Variants in AHCTF1 observed in about 807,000 individuals in gnomAD.
AHCTF1 encodes the protein protein ELYS.
AHCTF1 carries 24 observed loss-of-function variants against 248.4 expected under a neutral mutation model. That is an observed-to-expected ratio of 0.10 (90% CI 0.07 to 0.14). AHCTF1 has a LOEUF of 0.14. Ranked by LOEUF, AHCTF1 falls within the 10% of genes least tolerant of loss-of-function variation. The pLI is 1.00. For missense variants in AHCTF1, 2,206 were observed against 2,636.2 expected, an observed-to-expected ratio of 0.84 and a Z score of 3.57; for synonymous variants, 786 against 929.8, an observed-to-expected ratio of 0.85 and a Z score of 2.81.
At chr1:246,914,291 C>T (rs1397810879) in intron 3 of AHCTF1, among the ~76,000 whole-genome samples, 1 of 152,206 alleles carries the variant, frequency 6.6e-6, no homozygotes, top group African/African-American at 2.4e-5. Context: ...ATCTAAAACA[C>T]TTCTAGTCCC....
intron 33 of AHCTF1, among the ~76,000 whole-genome samples, chr1:246,848,994 C>T (rs1341420897): frequency 2.0e-5 from 3 of 152,166 alleles, no homozygotes; most frequent in African/African-American, 7.2e-5. Flanking sequence ...AATTTTATTA[C>T]TGCAGATATA....
Position 246,860,761 on chromosome 1 carries a change from C to T in AHCTF1, c.4132+138G>A, listed in dbSNP as rs563430166. ...GCTCAAGCAATCCTCCAGCCTCAGCCTCCCAAAGTGCTGAGATTAACTAGC... is the reference window on the plus strand; with the variant it reads ...GCTCAAGCAATCCTCCAGCCTCAGCTTCCCAAAGTGCTGAGATTAACTAGC... On this transcript the variant is annotated intron_variant, in intron 29 of 35. Coordinates refer to ENST00000648844, the MANE Select transcript of AHCTF1 (RefSeq NM_001323342.2). 1,703 of 1,164,156 alleles carry T rather than the reference C, an allele frequency of 1.5e-3. 2 individuals are homozygous for T. Among genetic ancestry groups the T allele is most frequent in the Non-Finnish European group, 1.8e-3 (1,496 of 833,330 alleles). 72.1% of individuals were successfully genotyped at this position (1,164,156 alleles called of 1,614,324 possible).
At chr1:246,867,113 TAATA>T in intron 26 of AHCTF1, 127 bp downstream of exon 26, 1 of 570,224 alleles carries the variant, frequency 1.8e-6, no homozygotes. Flanking sequence ...GCCCAAAGTA[TAATA>T]AAAAGCAAAC....
intron 14 of AHCTF1, among the ~76,000 whole-genome samples, chr1:246,893,170 T>C (rs1664337875): frequency 6.6e-6 from 1 of 152,150 alleles, no homozygotes; most frequent in South Asian, 2.1e-4. Context: ...ACAAACATTT[T>C]CCTCTTAAAA....
intron 29 of AHCTF1, 96 bp from the exon 30 acceptor site, chr1:246,857,910 C>T: frequency 9.2e-7 from 1 of 1,092,644 alleles, no homozygotes; most frequent in Non-Finnish European, 1.3e-6. Context: ...GTTGGGTCTG[C>T]TTTTTTGTTC....
chr1:246,928,302 C>CAA (rs35687457), intron 1 of AHCTF1, among the ~76,000 whole-genome samples: 13 of 94,184 alleles, frequency 1.4e-4, no homozygotes, highest in East Asian at 6.3e-4. Context: ...GACTCCGTCT[C>CAA]AAAAAAAAAA....
chr1:246,868,880 T>C (rs539423732), intron 24 of AHCTF1, among the ~76,000 whole-genome samples: 9 of 148,828 alleles, frequency 6.0e-5, no homozygotes, highest in South Asian at 4.2e-4. Context: ...AGTCTCGCTC[T>C]GTCACCCAGG....
intron 1 of AHCTF1, among the ~76,000 whole-genome samples, chr1:246,927,380 T>C (rs1006135062): frequency 6.6e-6 from 1 of 152,054 alleles, no homozygotes; most frequent in African/African-American, 2.4e-5. Context: ...TCCCGACTAC[T>C]TGGGAAGCTG....
chr1:246,918,217 G>A, intron 2 of AHCTF1, 33 bp downstream of exon 2: 3 of 1,571,518 alleles, frequency 1.9e-6, no homozygotes, highest in Non-Finnish European at 2.6e-6. Flanking sequence ...CAAATCAATT[G>A]TATTAGTAAA....
At chr1:246,913,124 A>G (rs1267685439) in intron 4 of AHCTF1, 108 bp downstream of exon 4, 4 of 877,554 alleles carry the variant, frequency 4.6e-6, no homozygotes, top group Middle Eastern at 3.7e-4. Context: ...ATAGGAAGAT[A>G]TCTTTTATTT....
rs750623731 is a variant in AHCTF1 at position 246,849,688 on chromosome 1, C to G, written c.6318G>C (p.Leu2106Phe). 11 of 1,613,880 alleles carry G rather than the reference C, an allele frequency of 6.8e-6. No homozygotes were observed. The highest frequency in any genetic ancestry group is 8.5e-6 in the Non-Finnish European group (10 of 1,179,888). ...TGTTTGGTTCAGAAAGGTCCGGCAA[C>G]AAGATGGCCTTGCTAGACCGAGTCC... ...SSRTRSSKAI[L>F]LPDLSEPNNE... Residue 2106 changes from leucine (L) to phenylalanine (F), a missense_variant, in exon 33 of 36, where the codon TTG (leucine) becomes TTC (phenylalanine). Transcript: ENST00000648844.
chr1:246,902,473 A>G, intron 8 of AHCTF1, 52 bp downstream of exon 8: 2 of 1,562,286 alleles, frequency 1.3e-6, no homozygotes, highest in South Asian at 2.4e-5. Flanking sequence ...AACACCTGTC[A>G]TAAATTTTAA....
intron 33 of AHCTF1, among the ~76,000 whole-genome samples, chr1:246,844,765 T>C (rs1210846227): frequency 2.0e-5 from 3 of 151,716 alleles, no homozygotes; most frequent in East Asian, 3.9e-4. Flanking sequence ...TAAACAACAA[T>C]TGGTTTAAAA....
At chr1:246,884,837 A>T (rs1312500745) in intron 21 of AHCTF1, among the ~76,000 whole-genome samples, 2 of 152,348 alleles carry the variant, frequency 1.3e-5, no homozygotes, top group East Asian at 3.9e-4. Context: ...GGCAAATGCA[A>T]TGACAAAATT....
chr1:246,888,177 A>C lies in AHCTF1; in HGVS notation c.2325T>G (p.Ile775Met), dbSNP rs1663961247. The part of the protein sequence containing the change: ...DGVTEAAKHS[I>M]TIYLLLDIMY... ...CACTGGATAAAACTTAAAAGGATAC[A>C]ATAGAGTGTTTGGCTGCTTCAGTAA... The change falls in exon 19 of 36, where the codon ATT (isoleucine) becomes ATG (methionine). Residue 775 changes from isoleucine (I) to methionine (M), a missense_variant and splice_region_variant. By Grantham distance (10) the Ile-to-Met change is conservative. Transcript: ENST00000648844. The C allele has an allele frequency of 6.2e-7, 1 of 1,613,966 alleles. No individual in the cohort carries two copies. Among genetic ancestry groups the C allele is most frequent in the Non-Finnish European group, 8.5e-7 (1 of 1,179,868 alleles).
intron 21 of AHCTF1, among the ~76,000 whole-genome samples, chr1:246,878,120 A>G (rs1198192910): frequency 6.6e-6 from 1 of 152,026 alleles, no homozygotes; most frequent in Non-Finnish European, 1.5e-5. Context: ...AGTAAGAGCC[A>G]GGCATAATGG....
chr1:246,863,466 A>G (rs1661725601), intron 27 of AHCTF1, among the ~76,000 whole-genome samples: 1 of 152,212 alleles, frequency 6.6e-6, no homozygotes, highest in African/African-American at 2.4e-5. Flanking sequence ...TTCTCAGCTA[A>G]TAACTTAGGA....
At chr1:246,898,382 A>G in intron 11 of AHCTF1, 46 bp from the exon 12 acceptor site, 1 of 1,541,026 alleles carries the variant, frequency 6.5e-7, no homozygotes, top group Non-Finnish European at 8.8e-7. Context: ...CTCAATTTGA[A>G]TAATCAAATT....
At chr1:246,858,309 C>CCTCT (rs1661257232) in intron 29 of AHCTF1, among the ~76,000 whole-genome samples, 1 of 152,078 alleles carries the variant, frequency 6.6e-6, no homozygotes, top group Admixed American at 6.6e-5. Flanking sequence ...CCCCCCTTAA[C>CCTCT]CTCTCGCTTT....
Sources: gnomAD v4.1 joint callset for allele counts (sites outside exome capture counted in the v4.1 genomes callset) on GRCh38, gnomAD v4.1.1 for gene constraint, MANE v1.5 for transcripts, NCBI Gene and HGNC (gene_info 2026-07-23, HGNC 2026-07-21) for gene names.